The following SS18L1 variants were observed in gnomAD, a reference collection of about 807,000 sequenced individuals.
The protein encoded by SS18L1 is calcium-responsive transactivator.
Under a neutral mutation model 70.3 loss-of-function variants are expected in SS18L1, and 32 were observed. That is an observed-to-expected ratio of 0.46 (90% confidence interval 0.34 to 0.61). The LOEUF is 0.61. Ranked by LOEUF, SS18L1 falls within the 20% of genes least tolerant of loss-of-function variation. SS18L1 has a pLI of 0.01. For synonymous variants in SS18L1, 237 were observed against 229.7 expected (o/e 1.03, Z -0.29); for missense variants, 430 against 542.1 (o/e 0.79, Z 2.05).
rs1180386184 is a variant in SS18L1 at position 62,172,783 on chromosome 20, G to A, written c.1018G>A (p.Gly340Arg). ...GTACCCCAGCCAGCAGAGCTACCCCGGGCAGCAGCAGGGCTACGGTAAGAG... is the reference window on the plus strand; with the variant it reads ...GTACCCCAGCCAGCAGAGCTACCCCAGGCAGCAGCAGGGCTACGGTAAGAG... ...QQYPSQQSYP[G>R]QQQGYGSAQG... The change falls in exon 9 of 11, where the codon GGG (glycine) becomes AGG (arginine). Residue 340 changes from glycine (G) to arginine (R), a missense_variant. Gly to Arg is a moderately radical substitution (Grantham distance 125, BLOSUM62 -2). Coordinates refer to ENST00000331758, the MANE Select transcript of SS18L1 (RefSeq NM_198935.3). The A allele has an allele frequency of 6.2e-6, 10 of 1,613,300 alleles. No homozygotes were observed. The highest frequency in any genetic ancestry group is 6.8e-6 in the Non-Finnish European group (8 of 1,179,714).
rs774833529 is a variant in SS18L1, at chr20:62,174,407, G to A, written c.1037-110G>A. 222 of 1,483,314 alleles carry A rather than the reference G, an allele frequency of 1.5e-4. No individual in the cohort carries two copies. The highest frequency in any genetic ancestry group is 1.8e-4 in the Non-Finnish European group (204 of 1,118,254). The allele number at this position is 1,483,314 out of a possible 1,614,324, so 91.9% of individuals were successfully genotyped here. ...TGACAAAAGGCTGATGCATTGAGAC[G>A]GGAATTTTTCAAGGAGAAGAGGAAG... On this transcript the variant is annotated intron_variant, in intron 9 of 10. Transcript: ENST00000331758. This position sits in a 1 kb window ranked among gnomAD's most constrained non-coding sequence, Gnocchi z 4.1.
In SS18L1 at chr20:62,161,914, G is replaced by A. The variant is rs1432324712; in HGVS notation, c.376+334G>A. 6.6e-6 allele frequency among the ~76,000 whole-genome samples: 1 copy of A among 152,214 alleles called. No individual in the cohort carries two copies. Among genetic ancestry groups the A allele is most frequent in the Non-Finnish European group, 1.5e-5 (1 of 68,042 alleles). ...GGATTGAGAAGCATGGATAACGTTT[G>A]GAGACCATTAACAGTAATATAACAG... is the stretch of plus-strand genomic sequence containing the variant. On this transcript the variant is annotated intron_variant, in intron 4 of 10. Transcript: ENST00000331758. This position sits in a 1 kb window ranked among gnomAD's most constrained non-coding sequence, Gnocchi z 4.4.
chr20:62,165,897 C>A (rs2057420810), intron 8 of SS18L1, among the ~76,000 whole-genome samples: 1 of 152,182 alleles, frequency 6.6e-6, no homozygotes, highest in Non-Finnish European at 1.5e-5. Context: ...GAGCCACTCT[C>A]AGAGCTTCCT....
chr20:62,172,731 G>A lies in SS18L1; in HGVS notation c.966G>A (p.Ala322=), dbSNP rs555607809. 185 of 1,614,054 alleles carry A rather than the reference G, an allele frequency of 1.1e-4. 1 individual carries two copies. The highest frequency in any genetic ancestry group is 1.1e-3 in the South Asian group (101 of 91,080). The change falls in exon 9 of 11, where the codon GCG becomes GCA. Residue 322 remains alanine (A), a synonymous_variant. Transcript: ENST00000331758. ...QQQAGYQQGA[A]QQQTYSQQQY... ...AGGCCGGGTACCAGCAGGGTGCCGC[G>A]CAGCAGCAGACGTACTCCCAGCAGC...
chr20:62,156,729 C>G (rs535713752), intron 1 of SS18L1, among the ~76,000 whole-genome samples: 1 of 152,140 alleles, frequency 6.6e-6, no homozygotes, highest in South Asian at 2.1e-4. Flanking sequence ...AGAGGGGCCA[C>G]GTTGCAGGGT....
intron 1 of SS18L1, among the ~76,000 whole-genome samples, chr20:62,156,413 C>T (rs1345212790): frequency 6.6e-6 from 1 of 152,208 alleles, no homozygotes; most frequent in Non-Finnish European, 1.5e-5. Context: ...CGGCCCCCCA[C>T]CCCCATCTCA....
chr20:62,149,106 A>C (rs2057083244), intron 1 of SS18L1, among the ~76,000 whole-genome samples: 2 of 152,240 alleles, frequency 1.3e-5, no homozygotes, highest in African/African-American at 4.8e-5. Flanking sequence ...GCTTGGAGTC[A>C]GAAGACAGAT....
In SS18L1 at chr20:62,162,821, G is replaced by T; in HGVS notation, c.446G>T (p.Gly149Val). Residue 149 changes from glycine (G) to valine (V), a missense_variant, in exon 5 of 11, where the codon GGG (glycine) becomes GTG (valine). By Grantham distance (109) the Gly-to-Val change is moderately radical (BLOSUM62 -3). Coordinates refer to ENST00000331758, the MANE Select transcript of SS18L1 (RefSeq NM_198935.3). ...CCCACCACCTCCATGAGCATCTCTG[G>T]GCCCGGCTACAGCCACGCGGGACCC... ...TLPTTSMSIS[G>V]PGYSHAGPAS... 1 of 1,612,816 alleles carries T rather than the reference G, an allele frequency of 6.2e-7. No individual in the cohort carries two copies.
chr20:62,162,172 G>A (rs1292046807), intron 4 of SS18L1, among the ~76,000 whole-genome samples: 1 of 152,210 alleles, frequency 6.6e-6, no homozygotes, highest in Admixed American at 6.5e-5. Flanking sequence ...AGGCTGAAGT[G>A]AGCCTTGTTC....
At chr20:62,170,970 C>T (rs1427617477) in intron 8 of SS18L1, among the ~76,000 whole-genome samples, 1 of 151,592 alleles carries the variant, frequency 6.6e-6, no homozygotes, top group African/African-American at 2.4e-5. Flanking sequence ...GATGCGATCT[C>T]GGCTCACTGC....
At chr20:62,150,633 A>AT (rs34708339) in intron 1 of SS18L1, among the ~76,000 whole-genome samples, 952 of 58,042 alleles carry the variant, frequency 0.016, 322 homozygotes, top group East Asian at 0.044. Context: ...ATTGAGGTGG[A>AT]TTTTTTTTTT....
intron 1 of SS18L1, among the ~76,000 whole-genome samples, chr20:62,149,229 G>A (rs575358758): frequency 5.9e-5 from 9 of 152,262 alleles, no homozygotes; most frequent in African/African-American, 1.2e-4. Flanking sequence ...CTGATGGACC[G>A]TAAGGCCTGT....
intron 10 of SS18L1, chr20:62,175,518 C>A: frequency 1.1e-6 from 1 of 903,360 alleles, no homozygotes; most frequent in Non-Finnish European, 1.3e-6. Flanking sequence ...GAAGGAGGCT[C>A]GGTGGCTGGA....
rs375601486 is a variant in SS18L1 at position 62,166,621 on chromosome 20, T to C, written c.916+1107T>C. ...AAACAAAAAGTACATGAATACATAA[T>C]GAAAGTTTAAAAGAAGAAAGAGCCT... On this transcript the variant is annotated intron_variant, in intron 8 of 10. Transcript: ENST00000331758. 5.3e-5 allele frequency among the ~76,000 whole-genome samples: 8 copies of C among 150,432 alleles called. No individual in the cohort carries two copies. In the East Asian group the frequency reaches 1.4e-3, roughly 26 times the overall value.
chr20:62,150,821 G>A (rs1284306064), intron 1 of SS18L1, among the ~76,000 whole-genome samples: 1 of 151,636 alleles, frequency 6.6e-6, no homozygotes, highest in Non-Finnish European at 1.5e-5. Flanking sequence ...AAAGGGAGCT[G>A]TGTGGAGCAG....
chr20:62,163,104 C>T (rs940382959), intron 5 of SS18L1, among the ~76,000 whole-genome samples, 173 bp downstream of exon 5: 5 of 152,114 alleles, frequency 3.3e-5, no homozygotes, highest in Admixed American at 1.3e-4. Context: ...GAGGGATGGG[C>T]GCCAGTGGGT....
chr20:62,144,535 C>G (rs1380031332), intron 1 of SS18L1, among the ~76,000 whole-genome samples: 2 of 152,238 alleles, frequency 1.3e-5, no homozygotes, highest in East Asian at 3.9e-4. Context: ...GAGCGCACCG[C>G]CCCCTCCGTA....
At position 62,161,849 on chromosome 20, in the gene SS18L1, C is replaced by T. The variant is rs2057336739; in HGVS notation, c.376+269C>T. The stretch of plus-strand genomic sequence containing the variant: ...AATTCAAATGCAAGTTGCGGGGTTC[C>T]AGGTGGATTGTGTAATAGGAATGGA... On this transcript the variant is annotated intron_variant, in intron 4 of 10. Transcript: ENST00000331758. This position sits in a 1 kb window ranked among gnomAD's most constrained non-coding sequence, Gnocchi z 4.4. Among the ~76,000 whole-genome samples the T allele has an allele frequency of 6.6e-6, 1 of 152,206 alleles. No individual in the cohort carries two copies. The highest frequency in any genetic ancestry group is 2.4e-5 in the African/African-American group (1 of 41,452).
At chr20:62,149,317 A>G (rs2057087106) in intron 1 of SS18L1, among the ~76,000 whole-genome samples, 1 of 152,216 alleles carries the variant, frequency 6.6e-6, no homozygotes, top group African/African-American at 2.4e-5. Context: ...ACCTCCCTCC[A>G]TGTGATCACA....
Sources: allele counts gnomAD v4.1 joint callset (sites outside exome capture counted in the v4.1 genomes callset), GRCh38; gene constraint gnomAD v4.1.1; non-coding constraint Gnocchi (gnomAD v3.1); transcripts MANE v1.5; gene names NCBI Gene and HGNC (gene_info 2026-07-23, HGNC 2026-07-21).